Variants in USH1G observed in about 807,000 individuals in gnomAD.
USH1G encodes the protein pre-mRNA splicing regulator USH1G.
Under a neutral mutation model 31.9 loss-of-function variants are expected in USH1G, and 27 were observed. The observed-to-expected ratio is 0.85, with a 90% CI of 0.62 to 1.17. The LOEUF (loss-of-function observed/expected upper bound fraction) is 1.17, where lower values mean the gene tolerates loss of function less well. USH1G is among the 50% of genes most tolerant of loss of function. The pLI is 0.00. For synonymous variants in USH1G, 266 were observed against 283.2 expected (o/e 0.94, Z 0.61); for missense variants, 674 against 638.9 (o/e 1.05, Z -0.59).
rs1442189026 is a variant in USH1G, at chr17:74,920,470, G to A, written c.366C>T (p.Ala122=). ...GCTTGGGGTTGAGGCTGCTCTGCTTGGCCGCGATGGAGTCCAGGTAGCGCA... is the reference window on the plus strand; with the variant it reads ...GCTTGGGGTTGAGGCTGCTCTGCTTAGCCGCGATGGAGTCCAGGTAGCGCA... ...ECVRYLDSIA[A]KQSSLNPKLV... Residue 122 remains alanine (A), a synonymous_variant, in exon 2 of 3, where the codon GCC becomes GCT. Coordinates refer to ENST00000614341, the MANE Select transcript of USH1G (RefSeq NM_173477.5). The surrounding 1 kb of genome is among the most constrained non-coding windows in gnomAD (Gnocchi z 5.2). The A allele has an allele frequency of 1.9e-6, 3 of 1,613,664 alleles. No homozygotes were observed. Among genetic ancestry groups the A allele is most frequent in the African/African-American group, 2.7e-5 (2 of 74,944 alleles).
rs35846955 is a variant in USH1G at position 74,916,996 on chromosome 17, A to AAC, written c.*1075_*1076dup. On this transcript the variant is annotated 3_prime_UTR_variant, in exon 3 of 3. Coordinates refer to ENST00000614341, the MANE Select transcript of USH1G (RefSeq NM_173477.5). ...ACACACACGCACACATGTATGCAAG[A>AAC]ACACACACACCCAAGCACACACCCG... 150,582 of 151,732 alleles carry AAC rather than the reference A, an allele frequency of 0.99. 74,723 individuals carry two copies. The highest frequency in any genetic ancestry group is 1 in the East Asian group (5,152 of 5,158). 9.4% of individuals were successfully genotyped at this position (151,732 alleles called of 1,614,324 possible).
At position 74,917,983 on chromosome 17, in the gene USH1G, T is replaced by G. The variant is rs376850581; in HGVS notation, c.*90A>C. 4.0e-5 allele frequency: 62 copies of G among 1,563,462 alleles called. No individual in the cohort carries two copies. The African/African-American group carries it at 8.0e-4, about 20-fold the overall frequency. On this transcript the variant is annotated 3_prime_UTR_variant, in exon 3 of 3. Coordinates refer to ENST00000614341, the MANE Select transcript of USH1G (RefSeq NM_173477.5). Reference sequence around the variant, plus strand: ...GGTCCTTGCTCCTGGGGAAGGGGGCTGCAGGGCTGGCAACTGTGAGGACCT... The same window carrying G: ...GGTCCTTGCTCCTGGGGAAGGGGGCGGCAGGGCTGGCAACTGTGAGGACCT...
At position 74,917,594 on chromosome 17, in the gene USH1G, A is replaced by C; in HGVS notation, c.*479T>G. ...GAACTTCCCCTCTGGGGTGGACGGG[A>C]GGAGGGGAGGCAGCCCAAACTCTTC... On this transcript the variant is annotated 3_prime_UTR_variant, in exon 3 of 3. Transcript: ENST00000614341. The C allele has an allele frequency of 5.8e-6, 1 of 171,554 alleles. No individual in the cohort carries two copies. The highest frequency in any genetic ancestry group is 1.3e-5 in the Non-Finnish European group (1 of 78,814). 10.6% of individuals were successfully genotyped at this position (171,554 alleles called of 1,614,324 possible). A position where few individuals can be genotyped will look rare whatever the true frequency, so the allele number is the denominator to read the frequency against.
In USH1G at chr17:74,919,696, GCCTAAATC is replaced by G; in HGVS notation, c.1132_1139del (p.Asp378LeufsTer10). 6.2e-7 allele frequency: 1 copy of G among 1,612,870 alleles called. No homozygotes were observed. Among genetic ancestry groups the G allele is most frequent in the Non-Finnish European group, 8.5e-7 (1 of 1,180,024 alleles). On this transcript the variant is annotated frameshift_variant, in exon 2 of 3. Transcript: ENST00000614341. LOFTEE classifies it high-confidence loss of function. The surrounding 1 kb of genome is among the most constrained non-coding windows in gnomAD (Gnocchi z 4.5). The stretch of plus-strand genomic sequence containing the variant: ...TCTCGGGCTCCAGGTCCTCGTCCAA[GCCTAAATC>G]GAGCTCATCCCAGGGCAGCTCCTCC...
Position 74,918,515 on chromosome 17 carries a change from T to C in USH1G, c.1383-439A>G, listed in dbSNP as rs111615724. 0.022 allele frequency among the ~76,000 whole-genome samples: 3,348 copies of C among 152,188 alleles called. 103 individuals carry two copies. The highest frequency in any genetic ancestry group is 0.072 in the African/African-American group (2,989 of 41,494). On this transcript the variant is annotated intron_variant, in intron 2 of 2. Transcript: ENST00000614341. This position sits in a 1 kb window ranked among gnomAD's most constrained non-coding sequence, Gnocchi z 4.1. ...TCCTGATTGCAAAGTTCAGGAACAG[T>C]AGGTAAAACATCTCCCTAAGGCCAG...
chr17:74,917,891 C>G lies in USH1G; in HGVS notation c.*182G>C. ...AGTTCCGGAACATTCTCTTGCCCCT[C>G]TGGTGCCTCCAGGCCACACCCTCAG... On this transcript the variant is annotated 3_prime_UTR_variant, in exon 3 of 3. Coordinates refer to ENST00000614341, the MANE Select transcript of USH1G (RefSeq NM_173477.5). The G allele has an allele frequency of 2.7e-6, 2 of 751,770 alleles. No homozygotes were observed. Among genetic ancestry groups the G allele is most frequent in the Non-Finnish European group, 4.5e-6 (2 of 440,824 alleles). 46.6% of individuals were successfully genotyped at this position (751,770 alleles called of 1,614,324 possible). A position where few individuals can be genotyped will look rare whatever the true frequency, so the allele number is the denominator to read the frequency against.
rs1216895044 is a variant in USH1G, at chr17:74,918,863, T to A, written c.1382+591A>T. ...GTCTTGGGCAATTGAGAGGCCCTGCTGACTGCACGCCCTGCATCCCATGGC... is the reference window on the plus strand; with the variant it reads ...GTCTTGGGCAATTGAGAGGCCCTGCAGACTGCACGCCCTGCATCCCATGGC... On this transcript the variant is annotated intron_variant, in intron 2 of 2. Coordinates refer to ENST00000614341, the MANE Select transcript of USH1G (RefSeq NM_173477.5). The surrounding 1 kb of genome is among the most constrained non-coding windows in gnomAD (Gnocchi z 4.1). Among the ~76,000 whole-genome samples, 1 of 151,186 alleles carries A rather than the reference T, an allele frequency of 6.6e-6. No homozygotes were observed. Among genetic ancestry groups the A allele is most frequent in the Non-Finnish European group, 1.5e-5 (1 of 67,956 alleles).
chr17:74,920,046 G>C lies in USH1G; in HGVS notation c.790C>G (p.Pro264Ala). 6.2e-7 allele frequency: 1 copy of C among 1,610,004 alleles called. No homozygotes were observed. Among genetic ancestry groups the C allele is most frequent in the African/African-American group, 1.3e-5 (1 of 75,054 alleles). The stretch of plus-strand genomic sequence containing the variant: ...AGCGGGGCTCGGCCCCACTCCTTGG[G>C]ATTGGCGTAGGTGCCCTGGCGCACG... Reference protein sequence around the residue: ...MFVRQGTYANPKEWGRAPLRD... With the variant: ...MFVRQGTYANAKEWGRAPLRD... Residue 264 changes from proline to alanine, a missense_variant, in exon 2 of 3, where the codon CCC becomes GCC. Coordinates refer to ENST00000614341, the MANE Select transcript of USH1G (RefSeq NM_173477.5). The surrounding 1 kb of genome is among the most constrained non-coding windows in gnomAD (Gnocchi z 5.2).
rs374630813 is a variant in USH1G at position 74,920,326 on chromosome 17, G to A, written c.510C>T (p.Ala170=). The A allele has an allele frequency of 1.2e-6, 2 of 1,608,952 alleles. No homozygotes were observed. Among genetic ancestry groups the A allele is most frequent in the African/African-American group, 1.3e-5 (1 of 74,882 alleles). Residue 170 remains alanine, a synonymous_variant, in exon 2 of 3, where the codon GCC becomes GCT. Transcript: ENST00000614341. This position sits in a 1 kb window ranked among gnomAD's most constrained non-coding sequence, Gnocchi z 5.2. ...RMERRYRREL[A]ERSDTLSFSS... The stretch of plus-strand genomic sequence containing the variant: ...AGAAGCTGAGGGTGTCGGAACGCTC[G>A]GCCAGCTCGCGCCGGTATCGCCGCT...
chr17:74,919,730 C>A lies in USH1G; in HGVS notation c.1106G>T (p.Gly369Val). ...GAGCTCATCCCAGGGCAGCTCCTCCCCACAGCTGCGGTCCTGCAGGCTGTT... is the reference window on the plus strand; with the variant it reads ...GAGCTCATCCCAGGGCAGCTCCTCCACACAGCTGCGGTCCTGCAGGCTGTT... ...SANSLQDRSC[G>V]EELPWDELDL... The change falls in exon 2 of 3, where the codon GGG (glycine) becomes GTG (valine). Residue 369 changes from glycine (G) to valine (V), a missense_variant. Physicochemically the swap from Gly to Val is moderately radical, Grantham distance 109 (BLOSUM62 -3). Coordinates refer to ENST00000614341, the MANE Select transcript of USH1G (RefSeq NM_173477.5). This position sits in a 1 kb window ranked among gnomAD's most constrained non-coding sequence, Gnocchi z 4.5. The A allele has an allele frequency of 6.2e-7, 1 of 1,613,008 alleles. No individual in the cohort carries two copies. Among genetic ancestry groups the A allele is most frequent in the South Asian group, 1.1e-5 (1 of 91,092 alleles).
rs1004713388 is a variant in USH1G at position 74,919,696 on chromosome 17, G to A, written c.1140C>T (p.Gly380=). 22 of 1,612,752 alleles carry A rather than the reference G, an allele frequency of 1.4e-5. No individual in the cohort carries two copies. Among genetic ancestry groups the A allele is most frequent in the Non-Finnish European group, 1.7e-5 (20 of 1,180,032 alleles). Residue 380 remains glycine, a synonymous_variant, in exon 2 of 3, where the codon GGC becomes GGT. Transcript: ENST00000614341. The surrounding 1 kb of genome is among the most constrained non-coding windows in gnomAD (Gnocchi z 4.5). ...EELPWDELDL[G]LDEDLEPETS... ...TCTCGGGCTCCAGGTCCTCGTCCAA[G>A]CCTAAATCGAGCTCATCCCAGGGCA...
chr17:74,919,547 C>A lies in USH1G; in HGVS notation c.1289G>T (p.Ser430Ile). The change falls in exon 2 of 3, where the codon AGC becomes ATC. Residue 430 changes from serine to isoleucine, a missense_variant. Physicochemically the swap from Ser to Ile is moderately radical, Grantham distance 142. Coordinates refer to ENST00000614341, the MANE Select transcript of USH1G (RefSeq NM_173477.5). This position sits in a 1 kb window ranked among gnomAD's most constrained non-coding sequence, Gnocchi z 4.5. ...CTTCTTTCGGGGCCCCAGTGGGACG[C>A]TGATGCTGCGGAGGTCGAGGTCAGA... Reference protein sequence around the residue: ...LCSDLDLRSISVPLGPRKKIL... With the variant: ...LCSDLDLRSIIVPLGPRKKIL... The A allele has an allele frequency of 6.2e-7, 1 of 1,612,588 alleles. No individual in the cohort carries two copies. The highest frequency in any genetic ancestry group is 1.1e-5 in the South Asian group (1 of 91,076).
At chr17:74,922,851 G>A (rs2038961420) in intron 1 of USH1G, 59 bp downstream of exon 1, 1 of 1,512,276 alleles carries the variant, frequency 6.6e-7, no homozygotes, top group Non-Finnish European at 8.9e-7. Context: ...AGGAGTGGTG[G>A]ACGAGGAAGT....
rs1402365089 is a variant in USH1G, at chr17:74,920,621, G to A, written c.215C>T (p.Ala72Val). Residue 72 changes from alanine to valine, a missense_variant, in exon 2 of 3, where the codon GCA becomes GTA. Physicochemically the swap from Ala to Val is moderately conservative, Grantham distance 64. Coordinates refer to ENST00000614341, the MANE Select transcript of USH1G (RefSeq NM_173477.5). This position sits in a 1 kb window ranked among gnomAD's most constrained non-coding sequence, Gnocchi z 5.2. ...GCAGTGCAAGTGGCCATTGGAAGCT[G>A]CCAGATGCAGGGGTGTGTTGCCCCA... ...DIWGNTPLHL[A>V]ASNGHLHCLS... 1 of 1,613,890 alleles carries A rather than the reference G, an allele frequency of 6.2e-7. No individual in the cohort carries two copies.
At position 74,921,050 on chromosome 17, in the gene USH1G, C is replaced by T. The variant is rs1205056180; in HGVS notation, c.165-379G>A. On this transcript the variant is annotated intron_variant, in intron 1 of 2. Coordinates refer to ENST00000614341, the MANE Select transcript of USH1G (RefSeq NM_173477.5). This position sits in a 1 kb window ranked among gnomAD's most constrained non-coding sequence, Gnocchi z 4.6. ...GCCCAGAGCGCTGGTGGGCCAGGGC[C>T]GCGTCTGGGTCTCTAGGCAGGCGTG... Among the ~76,000 whole-genome samples, 1 of 151,910 alleles carries T rather than the reference C, an allele frequency of 6.6e-6. No homozygotes were observed. The highest frequency in any genetic ancestry group is 1.5e-5 in the Non-Finnish European group (1 of 67,936).
In USH1G at chr17:74,919,382, A is replaced by G. The variant is rs1378100133; in HGVS notation, c.1382+72T>C. 6.5e-6 allele frequency: 9 copies of G among 1,374,278 alleles called. No individual in the cohort carries two copies. The highest frequency in any genetic ancestry group is 2.9e-4 in the Middle Eastern group (1 of 3,494). 85.1% of individuals were successfully genotyped at this position (1,374,278 alleles called of 1,614,324 possible). ...CCCCACCCCCTACTCCTGAATAGGC[A>G]GATCTGTACCCCCTCCCCAGGGGCC... On this transcript the variant is annotated intron_variant, in intron 2 of 2. Transcript: ENST00000614341. The surrounding 1 kb of genome is among the most constrained non-coding windows in gnomAD (Gnocchi z 4.5).
In USH1G at chr17:74,920,189, A is replaced by G. The variant is rs774403004; in HGVS notation, c.647T>C (p.Met216Thr). The G allele has an allele frequency of 3.7e-6, 6 of 1,602,336 alleles. No homozygotes were observed. The highest frequency in any genetic ancestry group is 5.1e-6 in the Non-Finnish European group (6 of 1,179,802). Residue 216 changes from methionine to threonine, a missense_variant, in exon 2 of 3, where the codon ATG becomes ACG. Met to Thr is a moderately conservative substitution (Grantham distance 81). Coordinates refer to ENST00000614341, the MANE Select transcript of USH1G (RefSeq NM_173477.5). This position sits in a 1 kb window ranked among gnomAD's most constrained non-coding sequence, Gnocchi z 5.2. ...LHGTARGKTK[M>T]QKKLERRKQG... Reference sequence around the variant, plus strand: ...CTTGCGCCGCTCCAGCTTCTTCTGCATCTTGGTCTTGCCCCTGGCCGTGCC... The same window carrying G: ...CTTGCGCCGCTCCAGCTTCTTCTGCGTCTTGGTCTTGCCCCTGGCCGTGCC...
At position 74,921,022 on chromosome 17, in the gene USH1G, C is replaced by T. The variant is rs2038936377; in HGVS notation, c.165-351G>A. 1.3e-5 allele frequency among the ~76,000 whole-genome samples: 2 copies of T among 152,162 alleles called. No individual in the cohort carries two copies. Among genetic ancestry groups the T allele is most frequent in the Non-Finnish European group, 2.9e-5 (2 of 68,014 alleles). On this transcript the variant is annotated intron_variant, in intron 1 of 2. Transcript: ENST00000614341. The surrounding 1 kb of genome is among the most constrained non-coding windows in gnomAD (Gnocchi z 4.6). ...ATTATTGATGGGGCCCAGCACAGAG[C>T]TGGCCCAGAGCGCTGGTGGGCCAGG...
At position 74,920,403 on chromosome 17, in the gene USH1G, G is replaced by T. The variant is rs200082225; in HGVS notation, c.433C>A (p.Arg145=). The T allele has an allele frequency of 1.2e-5, 19 of 1,613,178 alleles. No individual in the cohort carries two copies. Among genetic ancestry groups the T allele is most frequent in the African/African-American group, 2.7e-5 (2 of 74,950 alleles). Residue 145 remains arginine, a synonymous_variant, in exon 2 of 3, where the codon CGG becomes AGG. Coordinates refer to ENST00000614341, the MANE Select transcript of USH1G (RefSeq NM_173477.5). This position sits in a 1 kb window ranked among gnomAD's most constrained non-coding sequence, Gnocchi z 5.2. Reference sequence around the variant, plus strand: ...AGCTTGGCGCACTCGCGGATGCGCCGCTCCGCCTCGCGGAAGGCCTTGTCC... The same window carrying T: ...AGCTTGGCGCACTCGCGGATGCGCCTCTCCGCCTCGCGGAAGGCCTTGTCC... The part of the protein sequence containing the change: ...LKDKAFREAE[R]RIRECAKLQR...
Sources: allele counts gnomAD v4.1 joint callset (sites outside exome capture counted in the v4.1 genomes callset), GRCh38; gene constraint gnomAD v4.1.1; non-coding constraint Gnocchi (gnomAD v3.1); transcripts MANE v1.5; gene names NCBI Gene and HGNC (gene_info 2026-07-23, HGNC 2026-07-21).